The following MAGI1 variants were observed in gnomAD, a reference collection of about 807,000 sequenced individuals.
MAGI1 encodes membrane associated guanylate kinase, WW and PDZ domain containing 1.
A neutral mutation model predicts 139.9 loss-of-function variants in MAGI1; 58 were observed. The observed-to-expected ratio is 0.41, with a 90% CI of 0.34 to 0.52. MAGI1 has a LOEUF of 0.52. Ranked by LOEUF, MAGI1 falls within the 20% of genes least tolerant of loss-of-function variation. The pLI, the probability that MAGI1 is intolerant of heterozygous loss-of-function variation, is 0.12. For synonymous variants in MAGI1, 812 were observed against 737.9 expected, an observed-to-expected ratio of 1.10 and a Z score of -1.63; for missense variants, 1,874 against 1,901.6, an observed-to-expected ratio of 0.99 and a Z score of 0.27.
Position 65,869,828 on chromosome 3 carries a change from C to G in MAGI1, c.313+168168G>C, listed in dbSNP as rs183530032. The stretch of plus-strand genomic sequence containing the variant: ...CCTGGCCGCTTGGTGTCTCACATTC[C>G]TCACCTGCAATTAAGCGGTTGTAGT... On this transcript the variant is annotated intron_variant, in intron 1 of 22. Coordinates refer to ENST00000402939, the MANE Select transcript of MAGI1 (RefSeq NM_001033057.2). Among the ~76,000 whole-genome samples the G allele has an allele frequency of 4.6e-5, 7 of 152,292 alleles. No individual in the cohort carries two copies. In the East Asian group the frequency reaches 1.4e-3, roughly 29 times the overall value.
At chr3:65,503,157 T>A (rs1474905086) in intron 2 of MAGI1, among the ~76,000 whole-genome samples, 1 of 152,162 alleles carries the variant, frequency 6.6e-6, no homozygotes, top group African/African-American at 2.4e-5. Context: ...TGGAATCAGT[T>A]TGGGTCTGTG....
intron 1 of MAGI1, among the ~76,000 whole-genome samples, chr3:65,961,193 C>T (rs989879089): frequency 6.6e-6 from 1 of 152,294 alleles, no homozygotes; most frequent in Non-Finnish European, 1.5e-5. Flanking sequence ...CCACTTACTG[C>T]AATGCATTAA....
chr3:65,931,614 A>G (rs759595542), intron 1 of MAGI1, among the ~76,000 whole-genome samples: 10 of 152,212 alleles, frequency 6.6e-5, no homozygotes, highest in Non-Finnish European at 1.3e-4. Context: ...CAGTGGGCCG[A>G]GATTGTGCTA....
At chr3:65,955,563 A>G (rs929189594) in intron 1 of MAGI1, among the ~76,000 whole-genome samples, 1 of 152,216 alleles carries the variant, frequency 6.6e-6, no homozygotes, top group African/African-American at 2.4e-5. Flanking sequence ...TCTAAGGCTC[A>G]GGAGTGGTGG....
chr3:65,360,310 T>G (rs1940689526), intron 22 of MAGI1: 1 of 984,166 alleles, frequency 1.0e-6, no homozygotes, highest in Non-Finnish European at 1.2e-6. Context: ...GGTAGACCTT[T>G]GGTTGGGAAA....
At chr3:65,934,110 G>A (rs779952159) in intron 1 of MAGI1, among the ~76,000 whole-genome samples, 1 of 152,120 alleles carries the variant, frequency 6.6e-6, no homozygotes, top group South Asian at 2.1e-4. Flanking sequence ...ACGACAGAGC[G>A]AGACTCTGTC....
intron 1 of MAGI1, among the ~76,000 whole-genome samples, chr3:65,635,852 G>A (rs1055751409): frequency 3.3e-5 from 5 of 152,208 alleles, no homozygotes; most frequent in African/African-American, 1.2e-4. Context: ...GTTGGCTGGG[G>A]CCAGAGTTCT....
At chr3:66,037,975 C>CA in intron 1 of MAGI1, 21 bp downstream of exon 1, 1 of 1,529,532 alleles carries the variant, frequency 6.5e-7, no homozygotes, top group South Asian at 1.3e-5. Context: ...GGGCGCCCCC[C>CA]AAAGGCGCGC....
At chr3:65,974,500 A>C (rs1041655752) in intron 1 of MAGI1, among the ~76,000 whole-genome samples, 49 of 152,110 alleles carry the variant, frequency 3.2e-4, no homozygotes, top group African/African-American at 1.1e-3. Flanking sequence ...GTAACAAGTA[A>C]CCCCAGTCTT....
At chr3:65,529,588 G>A (rs1213700693) in intron 2 of MAGI1, among the ~76,000 whole-genome samples, 5 of 152,010 alleles carry the variant, frequency 3.3e-5, no homozygotes, top group Non-Finnish European at 5.9e-5. Flanking sequence ...GATATACCAC[G>A]CTTTGTTTAT....
intron 1 of MAGI1, among the ~76,000 whole-genome samples, chr3:65,732,966 T>C (rs1023161906): frequency 2.0e-5 from 3 of 152,220 alleles, no homozygotes; most frequent in African/African-American, 7.2e-5. Context: ...GCCCCATTAA[T>C]GGGGTAAGAA....
intron 2 of MAGI1, among the ~76,000 whole-genome samples, chr3:65,541,125 A>G (rs901266969): frequency 6.6e-5 from 10 of 152,360 alleles, no homozygotes; most frequent in African/African-American, 2.4e-4. Context: ...AACTACCATC[A>G]GAGAACACTA....
rs991211708 is a variant in MAGI1, at chr3:65,551,065, T to A, written c.431-57434A>T. On this transcript the variant is annotated intron_variant, in intron 2 of 22. Transcript: ENST00000402939. The stretch of plus-strand genomic sequence containing the variant: ...CATGTGTCCAGGGAGAGACCTGTAA[T>A]CCCCATGTGTGGAGGGAGACAGGTA... Among the ~76,000 whole-genome samples the A allele has an allele frequency of 2.6e-4, 40 of 152,148 alleles. 1 individual carries two copies. The highest frequency in any genetic ancestry group is 5.9e-5 in the Non-Finnish European group (4 of 68,018).
chr3:65,699,231 G>A (rs2089433194), intron 1 of MAGI1, among the ~76,000 whole-genome samples: 1 of 97,870 alleles, frequency 1.0e-5, no homozygotes, highest in Non-Finnish European at 2.0e-5. Context: ...GAAACAACAG[G>A]TGCTGGAGAG....
chr3:65,455,246 T>A (rs1949314283), intron 5 of MAGI1, among the ~76,000 whole-genome samples: 1 of 152,220 alleles, frequency 6.6e-6, no homozygotes, highest in South Asian at 2.1e-4. Context: ...ACAACTAGGA[T>A]ACTGATACTG....
chr3:65,401,219 C>A (rs1395232719), intron 13 of MAGI1, among the ~76,000 whole-genome samples: 1 of 152,170 alleles, frequency 6.6e-6, no homozygotes, highest in Non-Finnish European at 1.5e-5. Flanking sequence ...CTGGCTCCTG[C>A]AGCCTGCCCA....
At chr3:65,541,133 C>CT (rs1458918622) in intron 2 of MAGI1, among the ~76,000 whole-genome samples, 2 of 152,124 alleles carry the variant, frequency 1.3e-5, no homozygotes, top group South Asian at 4.1e-4. Context: ...TCAGAGAACA[C>CT]TATAAACATC....
At chr3:65,748,428 C>G (rs1266235896) in intron 1 of MAGI1, among the ~76,000 whole-genome samples, 2 of 152,148 alleles carry the variant, frequency 1.3e-5, no homozygotes, top group Non-Finnish European at 2.9e-5. Context: ...TTTAGATGTT[C>G]TGGCTCTGCT....
At chr3:65,654,677 A>C (rs2085770761) in intron 1 of MAGI1, among the ~76,000 whole-genome samples, 1 of 151,856 alleles carries the variant, frequency 6.6e-6, no homozygotes, top group South Asian at 2.1e-4. Flanking sequence ...TAACATGATG[A>C]GTGTGATTAG....
Sources: allele counts gnomAD v4.1 joint callset (sites outside exome capture counted in the v4.1 genomes callset), GRCh38; gene constraint gnomAD v4.1.1; transcripts MANE v1.5; gene names NCBI Gene and HGNC (gene_info 2026-07-23, HGNC 2026-07-21).